STPG2: variants seen among roughly 807,000 people sequenced by gnomAD.
STPG2 encodes the protein sperm tail PG-rich repeat containing 2, also known as sperm-tail PG-rich repeat-containing protein 2.
In STPG2, 56 loss-of-function variants were observed where a neutral mutation model predicts 54.2. That is an observed-to-expected ratio of 1.03 (90% CI 0.83 to 1.29). The LOEUF is 1.29. Ranked by LOEUF, STPG2 falls within the 50% of genes most tolerant of loss-of-function variation. The probability of loss-of-function intolerance (pLI) is 0.00; values close to 1 mark genes in which losing one functional copy is unlikely to be tolerated. For synonymous variants in STPG2, 200 were observed against 181.8 expected (o/e 1.10, Z -0.81); for missense variants, 596 against 544.9 (o/e 1.09, Z -0.93).
downstream of STPG2, among the ~76,000 whole-genome samples, chr4:97,556,530 T>C (rs7687099): frequency 0.015 from 2,269 of 152,296 alleles, 52 homozygotes; most frequent in African/African-American, 0.052. Context: ...GAAAATTGCA[T>C]TTTATGATTT....
chr4:97,550,368 G>T (rs928324785), intron 4 of STPG2, among the ~76,000 whole-genome samples: 2 of 151,778 alleles, frequency 1.3e-5, no homozygotes, highest in African/African-American at 4.8e-5. Flanking sequence ...GTGAAGAAAA[G>T]AATCAAGAAA....
intron 5 of STPG2, among the ~76,000 whole-genome samples, chr4:98,102,310 G>A (rs770095253): frequency 6.6e-6 from 1 of 152,106 alleles, no homozygotes; most frequent in Non-Finnish European, 1.5e-5. Flanking sequence ...TCCAGCTACT[G>A]TCTGCTTTTG....
intron 10 of STPG2, among the ~76,000 whole-genome samples, chr4:97,667,588 T>G (rs949095526): frequency 6.6e-6 from 1 of 152,218 alleles, no homozygotes; most frequent in Non-Finnish European, 1.5e-5. Context: ...GGGTAAGATG[T>G]TATCTCACAC....
At chr4:98,128,050 G>A (rs1190604290) in intron 3 of STPG2, among the ~76,000 whole-genome samples, 1 of 152,068 alleles carries the variant, frequency 6.6e-6, no homozygotes, top group Non-Finnish European at 1.5e-5. Flanking sequence ...AGTTAAGTAT[G>A]GCCATGTGAC....
At position 97,794,177 on chromosome 4, in the gene STPG2, T is replaced by C. The variant is rs375171230; in HGVS notation, c.1204+46596A>G. Among the ~76,000 whole-genome samples, 3 of 152,138 alleles carry C rather than the reference T, an allele frequency of 2.0e-5. No individual in the cohort carries two copies. In the East Asian group the frequency reaches 5.8e-4, roughly 29 times the overall value. On this transcript the variant is annotated intron_variant, in intron 9 of 10. Transcript: ENST00000295268. ...TATATTGAATCTAAGTTAGTATAAT[T>C]TTTCTTTATGTGTAAAAAAGACTTT...
chr4:98,128,407 T>C, intron 3 of STPG2, 21 bp downstream of exon 3: 1 of 1,533,928 alleles, frequency 6.5e-7, no homozygotes, highest in Non-Finnish European at 8.7e-7. Flanking sequence ...CAATTGTCAA[T>C]ATGAAATACA....
chr4:97,888,595 C>G (rs747344418), intron 8 of STPG2, among the ~76,000 whole-genome samples: 13 of 152,176 alleles, frequency 8.5e-5, no homozygotes, highest in Non-Finnish European at 1.6e-4. Flanking sequence ...TTTGATTTTA[C>G]AGGCTCACAG....
intron 9 of STPG2, among the ~76,000 whole-genome samples, chr4:97,717,971 A>T (rs1724341672): frequency 6.6e-6 from 1 of 152,098 alleles, no homozygotes; most frequent in Admixed American, 6.6e-5. Flanking sequence ...TATACTTCAC[A>T]GTTCTTACAT....
rs116370301 is a variant in STPG2 at position 97,464,265 on chromosome 4, G to A, written c.462+248434C>T. Among the ~76,000 whole-genome samples, 314 of 152,164 alleles carry A rather than the reference G, an allele frequency of 2.1e-3. 1 individual carries two copies. The highest frequency in any genetic ancestry group is 6.5e-3 in the African/African-American group (270 of 41,506). ...TAAAAAATGACACAAATGAAAGTAC[G>A]CAGTATAACAACTACTTATATAGCA... On this transcript the variant is annotated intron_variant, in intron 4 of 4. Coordinates refer to the STPG2 transcript ENST00000522676.
intron 4 of STPG2, among the ~76,000 whole-genome samples, chr4:97,547,412 G>A (rs1212930389): frequency 2.6e-5 from 4 of 152,162 alleles, no homozygotes; most frequent in East Asian, 1.9e-4. Flanking sequence ...GGGTTTCACC[G>A]TGTTAGCCAG....
chr4:97,725,512 A>G (rs1724594654), intron 9 of STPG2, among the ~76,000 whole-genome samples: 1 of 152,012 alleles, frequency 6.6e-6, no homozygotes, highest in African/African-American at 2.4e-5. Context: ...TTGCATCTAT[A>G]AAACAAACAG....
intron 4 of STPG2, among the ~76,000 whole-genome samples, chr4:97,551,710 T>C (rs1402633386): frequency 1.3e-5 from 2 of 152,250 alleles, no homozygotes; most frequent in Admixed American, 1.3e-4. Flanking sequence ...CAAATTATAA[T>C]ATCAAGATGA....
intron 9 of STPG2, among the ~76,000 whole-genome samples, chr4:97,836,225 C>T (rs546686286): frequency 5.9e-5 from 9 of 151,904 alleles, no homozygotes; most frequent in Non-Finnish European, 1.3e-4. Context: ...TGGTTAATTT[C>T]ATTGTTGTCT....
intron 4 of STPG2, among the ~76,000 whole-genome samples, chr4:97,496,112 T>C (rs1342008624): frequency 6.6e-6 from 1 of 151,738 alleles, no homozygotes; most frequent in Non-Finnish European, 1.5e-5. Flanking sequence ...GCAAAATATT[T>C]AGTAATATCA....
chr4:98,034,838 G>A (rs1736720370), intron 5 of STPG2, among the ~76,000 whole-genome samples: 1 of 152,118 alleles, frequency 6.6e-6, no homozygotes. Context: ...ACAAAAACAA[G>A]AAATGGGGAA....
At chr4:97,807,810 G>C (rs1305394805) in intron 9 of STPG2, among the ~76,000 whole-genome samples, 1 of 151,712 alleles carries the variant, frequency 6.6e-6, no homozygotes, top group Non-Finnish European at 1.5e-5. Flanking sequence ...AATCAAGCAG[G>C]ATAAGGATAC....
At chr4:98,061,314 A>C (rs1346408964) in intron 5 of STPG2, among the ~76,000 whole-genome samples, 1 of 152,218 alleles carries the variant, frequency 6.6e-6, no homozygotes, top group Admixed American at 6.5e-5. Context: ...CAGGAAGCAT[A>C]GCCAGAAGAC....
At chr4:97,489,184 G>A (rs1730443978) in intron 4 of STPG2, among the ~76,000 whole-genome samples, 1 of 151,694 alleles carries the variant, frequency 6.6e-6, no homozygotes, top group African/African-American at 2.4e-5. Flanking sequence ...TTGCCTTCCA[G>A]CATGATTGTG....
At chr4:98,024,906 T>C (rs11097598) in intron 5 of STPG2, among the ~76,000 whole-genome samples, 62,084 of 152,030 alleles carry the variant, frequency 0.41, 13,075 homozygotes, top group African/African-American at 0.5. Flanking sequence ...AAATAGGCTA[T>C]GTAAATATTA....
Sources: allele counts gnomAD v4.1 joint callset (sites outside exome capture counted in the v4.1 genomes callset), GRCh38; gene constraint gnomAD v4.1.1; transcripts MANE v1.5; gene names NCBI Gene and HGNC (gene_info 2026-07-23, HGNC 2026-07-21).